Variants in PLEKHG5 observed in about 807,000 individuals in gnomAD.
PLEKHG5 encodes pleckstrin homology domain-containing family G member 5.
Under a neutral mutation model 103.8 loss-of-function variants are expected in PLEKHG5, and 52 were observed. That is an observed-to-expected ratio of 0.50 (90% CI 0.40 to 0.63). The LOEUF is 0.63. Among genes scored for constraint, PLEKHG5 ranks in the 30% least tolerant of loss-of-function variants. The probability of loss-of-function intolerance (pLI) is 0.00; values close to 1 mark genes in which losing one functional copy is unlikely to be tolerated. For missense variants in PLEKHG5, 1,205 were observed against 1,347.6 expected, an observed-to-expected ratio of 0.89 and a Z score of 1.66; for synonymous variants, 592 against 575.5, an observed-to-expected ratio of 1.03 and a Z score of -0.41.
At chr1:6,498,952 C>T (rs995303219), upstream of PLEKHG5, among the ~76,000 whole-genome samples, 13 of 152,260 alleles carry the variant, frequency 8.5e-5, no homozygotes, top group South Asian at 1.0e-3. Flanking sequence ...GAGTGGGGTT[C>T]GGGGCTTTTG....
chr1:6,516,812 G>GTGTGT (rs1638631289), intron 1 of PLEKHG5, among the ~76,000 whole-genome samples: 1 of 146,052 alleles, frequency 6.8e-6, no homozygotes, highest in South Asian at 2.2e-4. Context: ...ATATATGTGT[G>GTGTGT]TATATATATG....
chr1:6,476,114 C>CA, intron 2 of PLEKHG5, 78 bp from the exon 3 acceptor site: 1 of 1,216,540 alleles, frequency 8.2e-7, no homozygotes, highest in Non-Finnish European at 1.2e-6. Context: ...AGAGGGACCA[C>CA]AGCCTGTTAC....
At chr1:6,518,136 G>T (rs914464118) in intron 1 of PLEKHG5, among the ~76,000 whole-genome samples, 2 of 151,554 alleles carry the variant, frequency 1.3e-5, no homozygotes, top group East Asian at 3.9e-4. Flanking sequence ...GTTTCACCAT[G>T]TTAGCCAGGA....
chr1:6,500,269 A>G (rs75096431), upstream of PLEKHG5, among the ~76,000 whole-genome samples: 1,492 of 152,232 alleles, frequency 9.8e-3, 22 homozygotes, highest in African/African-American at 0.032. Context: ...CGATGCCCCA[A>G]GATTGTTGGG....
intron 1 of PLEKHG5, among the ~76,000 whole-genome samples, chr1:6,483,167 C>T (rs1334750904): frequency 1.3e-5 from 2 of 152,198 alleles, no homozygotes; most frequent in Non-Finnish European, 2.9e-5. Context: ...CTCCATCTGA[C>T]AGGAAAGGGA....
rs3007419 is a variant in PLEKHG5, at chr1:6,468,242, T to C, written c.2594A>G (p.Gln865Arg). 4,255 of 1,597,516 alleles carry C rather than the reference T, an allele frequency of 2.7e-3. 84 individuals carry two copies. In the African/African-American group the frequency reaches 0.051, roughly 19 times the overall value. The change falls in exon 20 of 21, where the codon CAG (glutamine) becomes CGG (arginine). Residue 865 changes from glutamine (Q) to arginine (R), a missense_variant. Transcript: ENST00000377728. ...SPRLRRRTPV[Q>R]LLSCPPHLLK... ...CAGGTGGGGCGGGCAGCTCAACAGC[T>C]GGACAGGGGTGCGGCGGCGGAGACG...
rs891508227 is a variant in PLEKHG5, at chr1:6,505,296, C to T, written c.-164-8727G>A. Among the ~76,000 whole-genome samples the T allele has an allele frequency of 2.6e-5, 4 of 152,082 alleles. No homozygotes were observed. Among genetic ancestry groups the T allele is most frequent in the African/African-American group, 9.7e-5 (4 of 41,410 alleles). ...TACAGTACCGACCAGCCCACGATGC[C>T]GACCAGCCTACGGTGCCGACCAGCT... is the stretch of plus-strand genomic sequence containing the variant. On this transcript the variant is annotated intron_variant, in intron 1 of 21. Coordinates refer to the PLEKHG5 transcript ENST00000377740. This position sits in a 1 kb window ranked among gnomAD's most constrained non-coding sequence, Gnocchi z 4.2.
Position 6,473,101 on chromosome 1 carries a change from C to G in PLEKHG5, c.869G>C (p.Arg290Pro), listed in dbSNP as rs147752853. ...GGAGTCATGGTCGAAGCGCAGCCCC[C>G]GGGGCAGCCTGGGCAGCCCGAAGAG... The part of the protein sequence containing the change: ...YSLFGLPRLP[R>P]GLRFDHDSWE... The change falls in exon 9 of 21, where the codon CGG becomes CCG. Residue 290 changes from arginine (R) to proline (P), a missense_variant. Transcript: ENST00000377728. The G allele has an allele frequency of 3.1e-6, 5 of 1,613,778 alleles. No individual in the cohort carries two copies. Among genetic ancestry groups the G allele is most frequent in the South Asian group, 1.1e-5 (1 of 91,082 alleles).
rs1399082809 is a variant in PLEKHG5 at position 6,470,635 on chromosome 1, G to A, written c.1551C>T (p.Ser517=). 2.5e-6 allele frequency: 4 copies of A among 1,576,260 alleles called. No individual in the cohort carries two copies. The highest frequency in any genetic ancestry group is 3.4e-6 in the Non-Finnish European group (4 of 1,166,758). The change falls in exon 15 of 21, where the codon TCC becomes TCT. Residue 517 remains serine (S), a synonymous_variant. Coordinates refer to ENST00000377728, the MANE Select transcript of PLEKHG5 (RefSeq NM_020631.6). ...AKEAVVAMIG[S]VERFIHHVNA... is the part of the protein sequence containing the mutation. ...TCACGTGGTGGATGAAGCGCTCCAC[G>A]GAGCCGATCTAGGGGCAGGTGAGGG...
chr1:6,467,612 C>T (rs376411666), intron 20 of PLEKHG5, 40 bp from the exon 21 acceptor site: 225 of 1,609,152 alleles, frequency 1.4e-4, no homozygotes, highest in Non-Finnish European at 1.8e-4. Flanking sequence ...CTTTGGCTGA[C>T]GCCATTCAGA....
intron 1 of PLEKHG5, among the ~76,000 whole-genome samples, chr1:6,512,789 G>C (rs1485908111): frequency 2.0e-5 from 3 of 152,194 alleles, no homozygotes; most frequent in African/African-American, 7.2e-5. Flanking sequence ...GGGCTCCCCG[G>C]GTTCAAATCC....
At chr1:6,498,900 G>A (rs1039410520), upstream of PLEKHG5, among the ~76,000 whole-genome samples, 1 of 152,246 alleles carries the variant, frequency 6.6e-6, no homozygotes, top group African/African-American at 2.4e-5. Context: ...TGAGGACTGT[G>A]GCGAGGTCCC....
At chr1:6,509,144 C>T (rs1455516118) in intron 1 of PLEKHG5, among the ~76,000 whole-genome samples, 1 of 152,268 alleles carries the variant, frequency 6.6e-6, no homozygotes, top group African/African-American at 2.4e-5. Flanking sequence ...AGGAAGATCC[C>T]AGGGGAGCAG....
chr1:6,472,395 C>A, intron 10 of PLEKHG5, 132 bp downstream of exon 10: 1 of 739,046 alleles, frequency 1.4e-6, no homozygotes, highest in Non-Finnish European at 2.4e-6. Context: ...CTGGGCGCAG[C>A]CCTTGTCTGA....
chr1:6,512,604 C>T (rs1475381038), intron 1 of PLEKHG5, among the ~76,000 whole-genome samples: 2 of 152,228 alleles, frequency 1.3e-5, no homozygotes, highest in Non-Finnish European at 2.9e-5. Flanking sequence ...CAACTGCAGC[C>T]TGGGGCGGGC....
upstream of PLEKHG5, among the ~76,000 whole-genome samples, chr1:6,498,956 GC>G (rs1388109628): frequency 2.0e-5 from 3 of 152,316 alleles, no homozygotes; most frequent in Admixed American, 1.3e-4. Flanking sequence ...GGGGTTCGGG[GC>G]TTTTGTCTGC....
At chr1:6,471,302 G>T in intron 12 of PLEKHG5, 186 bp downstream of exon 12, 1 of 779,864 alleles carries the variant, frequency 1.3e-6, no homozygotes, top group Non-Finnish European at 2.1e-6. Flanking sequence ...AGGGGTAGAT[G>T]GTCAGGTGGA....
intron 3 of PLEKHG5, 127 bp from the exon 4 acceptor site, chr1:6,475,649 A>T: frequency 1.2e-6 from 1 of 857,080 alleles, no homozygotes; most frequent in East Asian, 2.5e-5. Flanking sequence ...CGTGGATTCA[A>T]CCCGGCCAGG....
intron 1 of PLEKHG5, among the ~76,000 whole-genome samples, chr1:6,512,547 T>A (rs1638505809): frequency 6.6e-6 from 1 of 152,200 alleles, no homozygotes; most frequent in African/African-American, 2.4e-5. Flanking sequence ...GCCCAGCATC[T>A]GGCCGGACCA....
Sources: allele counts gnomAD v4.1 joint callset (sites outside exome capture counted in the v4.1 genomes callset), GRCh38; gene constraint gnomAD v4.1.1; non-coding constraint Gnocchi (gnomAD v3.1); transcripts MANE v1.5; gene names NCBI Gene and HGNC (gene_info 2026-07-23, HGNC 2026-07-21).